The following RORA variants were observed in gnomAD, a reference collection of about 807,000 sequenced individuals.
RORA encodes the protein RAR related orphan receptor A, also known as nuclear receptor ROR-alpha.
Under a neutral mutation model 69.5 loss-of-function variants are expected in RORA, and 7 were observed. That is an observed-to-expected ratio of 0.10 (90% CI 0.06 to 0.19). The LOEUF is 0.19. Ranked by LOEUF, RORA falls within the 10% of genes least tolerant of loss-of-function variation. The pLI is 1.00. For synonymous variants in RORA, 261 were observed against 240.8 expected (o/e 1.08, Z -0.78); for missense variants, 457 against 663.0 (o/e 0.69, Z 3.41).
chr15:61,031,336 T>C (rs1192310093), intron 1 of RORA, among the ~76,000 whole-genome samples: 1 of 152,218 alleles, frequency 6.6e-6, no homozygotes, highest in Non-Finnish European at 1.5e-5. Context: ...GGATCTATAA[T>C]GCTCAAAAGA....
intron 1 of RORA, among the ~76,000 whole-genome samples, chr15:61,086,656 T>C (rs1456605989): frequency 6.6e-6 from 1 of 152,102 alleles, no homozygotes; most frequent in Non-Finnish European, 1.5e-5. Flanking sequence ...GGGAGCCAGA[T>C]AAGGGGTCCT....
intron 1 of RORA, among the ~76,000 whole-genome samples, chr15:61,001,282 C>T (rs190708646): frequency 3.5e-4 from 54 of 152,314 alleles, no homozygotes; most frequent in Admixed American, 3.3e-3. Context: ...CAAGAGTGTG[C>T]TATAAAAAGG....
rs373347093 is a variant in RORA at position 61,003,090 on chromosome 15, G to A, written c.166+225963C>T. ...ACCTGGGAGGCGGAAGTTGCAGTGA[G>A]CCGAGATGGTGCCACTGCACTCCAG... On this transcript the variant is annotated intron_variant, in intron 1 of 10. Transcript: ENST00000335670. 5.4e-3 allele frequency among the ~76,000 whole-genome samples: 803 copies of A among 149,912 alleles called. 7 individuals carry two copies. The highest frequency in any genetic ancestry group is 0.019 in the African/African-American group (760 of 40,664).
At chr15:60,895,939 A>G (rs1250816601) in intron 1 of RORA, among the ~76,000 whole-genome samples, 2 of 152,254 alleles carry the variant, frequency 1.3e-5, no homozygotes, top group African/African-American at 4.8e-5. Context: ...ATTAGAAAAA[A>G]GCAAACACTG....
At chr15:60,955,449 A>G (rs925176587) in intron 1 of RORA, among the ~76,000 whole-genome samples, 2 of 152,244 alleles carry the variant, frequency 1.3e-5, no homozygotes, top group African/African-American at 4.8e-5. Flanking sequence ...GTAAGTACTC[A>G]ATAAATATCA....
At chr15:61,198,376 T>G (rs1421376921) in intron 1 of RORA, among the ~76,000 whole-genome samples, 3 of 152,110 alleles carry the variant, frequency 2.0e-5, no homozygotes, top group African/African-American at 7.2e-5. Flanking sequence ...GTGCTGATGA[T>G]TTACCCACAT....
At chr15:61,223,325 A>AT (rs2080116615) in intron 1 of RORA, among the ~76,000 whole-genome samples, 1 of 151,570 alleles carries the variant, frequency 6.6e-6, no homozygotes, top group Non-Finnish European at 1.5e-5. Flanking sequence ...AAAAAAAAAA[A>AT]AAAAAAAAAA....
At chr15:61,219,569 C>T (rs911188857) in intron 1 of RORA, among the ~76,000 whole-genome samples, 6 of 149,528 alleles carry the variant, frequency 4.0e-5, no homozygotes, top group East Asian at 3.9e-4. Context: ...AGCAAGACTC[C>T]GTCTCAAAAT....
chr15:60,652,452 G>A (rs547279926), intron 2 of RORA, among the ~76,000 whole-genome samples: 1 of 152,158 alleles, frequency 6.6e-6, no homozygotes, highest in African/African-American at 2.4e-5. Context: ...TCTGTGACAG[G>A]TTTTGCGCAT....
intron 1 of RORA, among the ~76,000 whole-genome samples, chr15:60,784,003 T>C (rs1039536212): frequency 1.3e-5 from 2 of 152,224 alleles, no homozygotes; most frequent in Non-Finnish European, 2.9e-5. Context: ...ATCCCTCCTT[T>C]ACATCAACGG....
At chr15:60,961,787 G>A (rs1420243379) in intron 1 of RORA, among the ~76,000 whole-genome samples, 1 of 152,236 alleles carries the variant, frequency 6.6e-6, no homozygotes, top group African/African-American at 2.4e-5. Context: ...GATGGGCAGT[G>A]TAATGAGACA....
intron 1 of RORA, among the ~76,000 whole-genome samples, chr15:61,202,414 AC>A (rs1479525272): frequency 6.6e-6 from 1 of 152,120 alleles, no homozygotes; most frequent in Non-Finnish European, 1.5e-5. Flanking sequence ...GGCCTCAATA[AC>A]CTTTTACACA....
rs571688439 is a variant in RORA, at chr15:60,821,233, C to T, written c.167-142547G>A. Among the ~76,000 whole-genome samples the T allele has an allele frequency of 2.6e-5, 4 of 152,330 alleles. No homozygotes were observed. In the South Asian group the frequency reaches 8.3e-4, roughly 32 times the overall value. On this transcript the variant is annotated intron_variant, in intron 1 of 10. Transcript: ENST00000335670. Reference sequence around the variant, plus strand: ...ATCATTGGCTGCAGTGTGTGCTCTACTTAGCCAACTCCCCCTTGCCATAGC... The same window carrying T: ...ATCATTGGCTGCAGTGTGTGCTCTATTTAGCCAACTCCCCCTTGCCATAGC...
intron 1 of RORA, among the ~76,000 whole-genome samples, chr15:61,194,848 A>C (rs2079832779): frequency 6.6e-6 from 1 of 152,058 alleles, no homozygotes; most frequent in African/African-American, 2.4e-5. Flanking sequence ...GGGCAAGTTA[A>C]TTAACCTTTC....
intron 2 of RORA, among the ~76,000 whole-genome samples, chr15:60,663,104 A>G (rs981251336): frequency 7.2e-5 from 11 of 152,272 alleles, no homozygotes; most frequent in African/African-American, 2.6e-4. Flanking sequence ...TGAAGCCTAT[A>G]TTGCAACTGT....
chr15:60,938,578 C>T (rs557207211), intron 1 of RORA, among the ~76,000 whole-genome samples: 8 of 152,126 alleles, frequency 5.3e-5, no homozygotes, highest in South Asian at 2.1e-4. Flanking sequence ...ATGCTACTCA[C>T]TCTACACCCT....
At chr15:60,870,694 T>G (rs190021741) in intron 1 of RORA, among the ~76,000 whole-genome samples, 1 of 152,354 alleles carries the variant, frequency 6.6e-6, no homozygotes, top group Non-Finnish European at 1.5e-5. Flanking sequence ...TCCTGGACAA[T>G]GGCCTGCATC....
intron 1 of RORA, among the ~76,000 whole-genome samples, chr15:60,774,077 A>AG (rs1032069692): frequency 5.3e-5 from 8 of 152,218 alleles, no homozygotes; most frequent in African/African-American, 1.9e-4. Flanking sequence ...CACAGCTGTG[A>AG]GACCCTTTGA....
In RORA at chr15:61,218,674, T is replaced by TCACACACACACA. The variant is rs3054672; in HGVS notation, c.166+10367_166+10378dup. Among the ~76,000 whole-genome samples the TCACACACACACA allele has an allele frequency of 6.4e-3, 916 of 142,930 alleles. 8 individuals are homozygous for TCACACACACACA. The highest frequency in any genetic ancestry group is 0.021 in the Middle Eastern group (6 of 286). 93.8% of individuals were successfully genotyped at this position (142,930 alleles called of 152,430 possible). On this transcript the variant is annotated intron_variant, in intron 1 of 10. Transcript: ENST00000335670. ...GTCCAAGTTAATTTACTAATATAAC[T>TCACACACACACA]CACACACACACACACACACACACAC...
Sources: allele counts gnomAD v4.1 joint callset (sites outside exome capture counted in the v4.1 genomes callset), GRCh38; gene constraint gnomAD v4.1.1; transcripts MANE v1.5; gene names NCBI Gene and HGNC (gene_info 2026-07-23, HGNC 2026-07-21).